CXCL13: variants seen among roughly 807,000 people sequenced by gnomAD.
CXCL13 encodes C-X-C motif chemokine 13.
CXCL13 carries 7 observed loss-of-function variants against 12.2 expected under a neutral mutation model. The observed-to-expected ratio is 0.57, with a 90% CI of 0.33 to 1.07. The LOEUF is 1.07. Among genes scored for constraint, CXCL13 ranks in the 50% least tolerant of loss-of-function variants. CXCL13 has a pLI of 0.04. For synonymous variants in CXCL13, 47 were observed against 42.4 expected (o/e 1.11, Z -0.42); for missense variants, 113 against 127.4 (o/e 0.89, Z 0.55).
chr4:77,573,141 C>T lies in CXCL13; in HGVS notation c.-42-32683C>T, dbSNP rs1012109252. 3.3e-5 allele frequency among the ~76,000 whole-genome samples: 5 copies of T among 151,744 alleles called. 1 individual carries two copies. Among genetic ancestry groups the T allele is most frequent in the African/African-American group, 1.2e-4 (5 of 41,130 alleles). ...GGAAAAATAACTAATGGGTACTAGA[C>T]TTAATACCTGGATGTTGAAATAATC... On this transcript the variant is annotated intron_variant, in intron 1 of 4. Coordinates refer to the CXCL13 transcript ENST00000286758.
chr4:77,546,043 A>T (rs879637981), intron 1 of CXCL13, among the ~76,000 whole-genome samples: 2 of 152,146 alleles, frequency 1.3e-5, no homozygotes, highest in Non-Finnish European at 2.9e-5. Flanking sequence ...TATATGATGG[A>T]TTACATTTAT....
chr4:77,558,581 G>A (rs1236798095), intron 1 of CXCL13, among the ~76,000 whole-genome samples: 1 of 152,218 alleles, frequency 6.6e-6, no homozygotes, highest in Admixed American at 6.5e-5. Flanking sequence ...TCAAACTCCT[G>A]ACCTCAGGTG....
rs1726343495 is a variant in CXCL13, at chr4:77,581,944, C to T, written c.-42-23880C>T. Among the ~76,000 whole-genome samples the T allele has an allele frequency of 2.0e-5, 3 of 152,286 alleles. 1 individual carries two copies. The South Asian group carries it at 6.2e-4, about 32-fold the overall frequency. On this transcript the variant is annotated intron_variant, in intron 1 of 4. Coordinates refer to the CXCL13 transcript ENST00000286758. ...TTTGGTTTCTATTACTCTACTGAAACTCTTCTATTAAAGTTCACTAAAGGA... is the reference window on the plus strand; with the variant it reads ...TTTGGTTTCTATTACTCTACTGAAATTCTTCTATTAAAGTTCACTAAAGGA...
intron 1 of CXCL13, among the ~76,000 whole-genome samples, chr4:77,562,175 C>G (rs1260434056): frequency 6.9e-6 from 1 of 145,870 alleles, no homozygotes; most frequent in South Asian, 2.2e-4. Flanking sequence ...GCTGCCCCCA[C>G]CCCCCCATCA....
chr4:77,557,316 A>G (rs952216300), intron 1 of CXCL13, among the ~76,000 whole-genome samples: 1 of 152,160 alleles, frequency 6.6e-6, no homozygotes, highest in Non-Finnish European at 1.5e-5. Context: ...TGGAAAGGCT[A>G]GGGGAATCAT....
intron 1 of CXCL13, among the ~76,000 whole-genome samples, chr4:77,582,616 G>A (rs1349258480): frequency 6.6e-6 from 1 of 152,190 alleles, no homozygotes; most frequent in Middle Eastern, 3.2e-3. Flanking sequence ...GATGAGTCTA[G>A]ATAAATCAGA....
At chr4:77,575,366 G>T (rs1186017421) in intron 1 of CXCL13, among the ~76,000 whole-genome samples, 1 of 151,664 alleles carries the variant, frequency 6.6e-6, no homozygotes, top group African/African-American at 2.4e-5. Context: ...TGCTACATAG[G>T]TATCTATCCC....
chr4:77,577,869 C>T (rs574466529), intron 1 of CXCL13, among the ~76,000 whole-genome samples: 21 of 152,288 alleles, frequency 1.4e-4, no homozygotes, highest in East Asian at 5.8e-4. Flanking sequence ...TTACCCCTTT[C>T]GGATGCATCC....
chr4:77,605,993 T>C, intron 1 of CXCL13, 64 bp downstream of exon 1: 1 of 1,194,472 alleles, frequency 8.4e-7, no homozygotes, highest in Non-Finnish European at 1.2e-6. Context: ...CACTTCAATT[T>C]TCTTTCGATT....
rs572737712 is a variant in CXCL13, at chr4:77,575,347, A to T, written c.-42-30477A>T. Among the ~76,000 whole-genome samples the T allele has an allele frequency of 3.9e-5, 6 of 151,962 alleles. No homozygotes were observed. In the South Asian group the frequency reaches 1.0e-3, roughly 26 times the overall value. The stretch of plus-strand genomic sequence containing the variant: ...AAGTTCTAGGTTACATGTACACAAC[A>T]TGCAGGTTTGCTACATAGGTATCTA... On this transcript the variant is annotated intron_variant, in intron 1 of 4. Coordinates refer to the CXCL13 transcript ENST00000286758.
intron 1 of CXCL13, among the ~76,000 whole-genome samples, chr4:77,591,974 A>C (rs971790088): frequency 2.0e-5 from 3 of 152,270 alleles, no homozygotes; most frequent in Non-Finnish European, 2.9e-5. Context: ...CTGTCTACAG[A>C]GTTCTAGGTT....
intron 1 of CXCL13, among the ~76,000 whole-genome samples, chr4:77,529,117 T>C (rs1377666569): frequency 6.6e-6 from 1 of 152,236 alleles, no homozygotes; most frequent in Non-Finnish European, 1.5e-5. Context: ...CTGAGGGCTC[T>C]GTTCTATTCC....
At chr4:77,562,332 A>G (rs1725835789) in intron 1 of CXCL13, among the ~76,000 whole-genome samples, 1 of 151,832 alleles carries the variant, frequency 6.6e-6, no homozygotes, top group Non-Finnish European at 1.5e-5. Context: ...GTGCGGGCAC[A>G]AGGCACGGGA....
intron 1 of CXCL13, among the ~76,000 whole-genome samples, chr4:77,521,979 T>C (rs1169494711): frequency 6.6e-6 from 1 of 152,220 alleles, no homozygotes; most frequent in Non-Finnish European, 1.5e-5. Flanking sequence ...CCAGTAGTCA[T>C]TCAGGAACAG....
At chr4:77,544,660 G>A (rs1351013997) in intron 1 of CXCL13, among the ~76,000 whole-genome samples, 1 of 152,124 alleles carries the variant, frequency 6.6e-6, no homozygotes, top group Non-Finnish European at 1.5e-5. Flanking sequence ...TTTGTCAGAT[G>A]GGTAGATTGC....
intron 1 of CXCL13, among the ~76,000 whole-genome samples, chr4:77,524,323 C>G (rs892828191): frequency 6.6e-6 from 1 of 152,226 alleles, no homozygotes; most frequent in African/African-American, 2.4e-5. Flanking sequence ...GTTCAGCTAT[C>G]CCCTGCCTAC....
chr4:77,527,721 C>A (rs1724802883), intron 1 of CXCL13, among the ~76,000 whole-genome samples: 1 of 151,744 alleles, frequency 6.6e-6, no homozygotes, highest in Non-Finnish European at 1.5e-5. Context: ...CTCCAGCTCC[C>A]AGATTTTGTA....
chr4:77,537,467 A>G (rs1337314663), intron 1 of CXCL13, among the ~76,000 whole-genome samples: 1 of 152,168 alleles, frequency 6.6e-6, no homozygotes, highest in East Asian at 1.9e-4. Flanking sequence ...TGGTTATTGA[A>G]CTCCATACAG....
intron 1 of CXCL13, among the ~76,000 whole-genome samples, chr4:77,580,478 C>G (rs1219104139): frequency 3.3e-5 from 5 of 150,974 alleles, no homozygotes; most frequent in African/African-American, 1.2e-4. Flanking sequence ...AGGCACCCAC[C>G]ACCACGCACA....
Sources: allele counts gnomAD v4.1 joint callset (sites outside exome capture counted in the v4.1 genomes callset), GRCh38; gene constraint gnomAD v4.1.1; transcripts MANE v1.5; gene names NCBI Gene and HGNC (gene_info 2026-07-23, HGNC 2026-07-21).